Variants in GM2A observed in about 807,000 individuals in gnomAD.
The protein encoded by GM2A is ganglioside GM2 activator, also known as GM2 ganglioside activator.
A neutral mutation model predicts 12.9 loss-of-function variants in GM2A; 7 were observed. The observed-to-expected ratio is 0.54, with a 90% CI of 0.31 to 1.02. GM2A has a LOEUF of 1.02. GM2A is among the 50% of genes least tolerant of loss of function. The probability of loss-of-function intolerance (pLI) is 0.05; values close to 1 mark genes in which losing one functional copy is unlikely to be tolerated. For missense variants in GM2A, 246 were observed against 241.0 expected (o/e 1.02, Z -0.14); for synonymous variants, 101 against 96.0 (o/e 1.05, Z -0.30).
At chr5:151,265,996 TG>T (rs1753878262) in intron 2 of GM2A, among the ~76,000 whole-genome samples, 1 of 152,250 alleles carries the variant, frequency 6.6e-6, no homozygotes, top group Non-Finnish European at 1.5e-5. Context: ...GGGTTCATTT[TG>T]GTAACCAGCT....
intron 2 of GM2A, among the ~76,000 whole-genome samples, chr5:151,265,218 G>A (rs1046081279): frequency 6.6e-6 from 1 of 152,022 alleles, no homozygotes; most frequent in African/African-American, 2.4e-5. Context: ...AGTGAGAGGA[G>A]CAATTAGAAT....
Position 151,259,735 on chromosome 5 carries a change from T to C in GM2A, c.82-20T>C, listed in dbSNP as rs758710005. 2.5e-6 allele frequency: 4 copies of C among 1,611,670 alleles called. No homozygotes were observed. In the East Asian group the frequency reaches 8.9e-5, roughly 36 times the overall value. Reference sequence around the variant, plus strand: ...CAACCTTTTTCTTCTTCTCCTTCCTTGCTGCCTGATTGTCCCCAGCCATCC... The same window carrying C: ...CAACCTTTTTCTTCTTCTCCTTCCTCGCTGCCTGATTGTCCCCAGCCATCC... On this transcript the variant is annotated intron_variant, in intron 1 of 3. Coordinates refer to ENST00000357164, the MANE Select transcript of GM2A (RefSeq NM_000405.5).
intron 1 of GM2A, among the ~76,000 whole-genome samples, chr5:151,255,167 G>A (rs1753661995): frequency 6.6e-6 from 1 of 152,106 alleles, no homozygotes; most frequent in Non-Finnish European, 1.5e-5. Context: ...TGGGCGTGGT[G>A]GTGTGCGCCA....
Position 151,266,919 on chromosome 5 carries a change from TAC to T in GM2A, c.426+7_426+8del. 1 of 1,609,736 alleles carries T rather than the reference TAC, an allele frequency of 6.2e-7. No individual in the cohort carries two copies. Among genetic ancestry groups the T allele is most frequent in the Non-Finnish European group, 8.5e-7 (1 of 1,176,170 alleles). Reference sequence around the variant, plus strand: ...GCCACTGTCCCTTCAAAGAAGTAAGTACTTAGGGAGGAGAGAGCGTTACCCCT... The same window carrying T: ...GCCACTGTCCCTTCAAAGAAGTAAGTTTAGGGAGGAGAGAGCGTTACCCCT... On this transcript the variant is annotated splice_region_variant and intron_variant, in intron 3 of 3. Transcript: ENST00000357164.
chr5:151,262,987 T>C (rs903904681), intron 2 of GM2A, among the ~76,000 whole-genome samples: 2 of 152,152 alleles, frequency 1.3e-5, no homozygotes, highest in African/African-American at 4.8e-5. Flanking sequence ...TTTATTACCT[T>C]TCATAAATTT....
In GM2A at chr5:151,269,860, C is replaced by T; in HGVS notation, c.*2409C>T. ...TCTGCAGCATTCTTCTAATACCTTT[C>T]CTTTTTCAAACCTATACTGTTGTTG... On this transcript the variant is annotated 3_prime_UTR_variant, in exon 4 of 4. Coordinates refer to ENST00000357164, the MANE Select transcript of GM2A (RefSeq NM_000405.5). 2.0e-6 allele frequency: 1 copy of T among 507,190 alleles called. No individual in the cohort carries two copies. Among genetic ancestry groups the T allele is most frequent in the Non-Finnish European group, 2.7e-6 (1 of 373,536 alleles). The allele number at this position is 507,190 out of a possible 1,614,324, so 31.4% of individuals were successfully genotyped here.
chr5:151,254,862 A>G (rs576346160), intron 1 of GM2A, among the ~76,000 whole-genome samples: 1 of 152,368 alleles, frequency 6.6e-6, no homozygotes, highest in South Asian at 2.1e-4. Context: ...CTGAATATTT[A>G]TCACTTAGGC....
intron 1 of GM2A, among the ~76,000 whole-genome samples, chr5:151,257,308 T>C (rs1004595): frequency 0.13 from 19,145 of 151,966 alleles, 1,354 homozygotes; most frequent in African/African-American, 0.19. Flanking sequence ...TAGCCGGGCA[T>C]TACCCTCAGG....
chr5:151,264,982 A>T (rs1039482486), intron 2 of GM2A, among the ~76,000 whole-genome samples: 1 of 142,152 alleles, frequency 7.0e-6, no homozygotes, highest in Non-Finnish European at 1.6e-5. Context: ...ACTCTGTCTC[A>T]AAAAAAAAAA....
intron 1 of GM2A, among the ~76,000 whole-genome samples, chr5:151,253,526 C>A (rs1459707407): frequency 6.6e-6 from 1 of 152,240 alleles, no homozygotes; most frequent in African/African-American, 2.4e-5. Flanking sequence ...CACGTCTGCA[C>A]TCTCCTGCCC....
chr5:151,257,924 A>C (rs1266907780), intron 1 of GM2A, among the ~76,000 whole-genome samples: 1 of 152,140 alleles, frequency 6.6e-6, no homozygotes, highest in Non-Finnish European at 1.5e-5. Context: ...CCTTTGTGGC[A>C]CTCACAAATC....
Position 151,269,107 on chromosome 5 carries a change from G to C in GM2A, c.*1656G>C. 1 of 985,448 alleles carries C rather than the reference G, an allele frequency of 1.0e-6. No homozygotes were observed. The highest frequency in any genetic ancestry group is 4.7e-5 in the South Asian group (1 of 21,294). 61.0% of individuals were successfully genotyped at this position (985,448 alleles called of 1,614,324 possible). ...TGGAGCAGGGGTCCAAGGAAGAGAG[G>C]GTGGCCTCGACATCAAACTGCCTGG... is the stretch of plus-strand genomic sequence containing the variant. On this transcript the variant is annotated 3_prime_UTR_variant, in exon 4 of 4. Coordinates refer to ENST00000357164, the MANE Select transcript of GM2A (RefSeq NM_000405.5).
At position 151,266,891 on chromosome 5, in the gene GM2A, C is replaced by G; in HGVS notation, c.404C>G (p.Pro135Arg). ...CPEPLRTYGL[P>R]CHCPFKEGTY... is the part of the protein sequence containing the mutation. ...GAGCCCCTGCGTACCTATGGGCTTC[C>G]TTGCCACTGTCCCTTCAAAGAAGTA... Residue 135 changes from proline to arginine, a missense_variant, in exon 3 of 4, where the codon CCT becomes CGT. Coordinates refer to ENST00000357164, the MANE Select transcript of GM2A (RefSeq NM_000405.5). 6.2e-7 allele frequency: 1 copy of G among 1,613,548 alleles called. No individual in the cohort carries two copies. The highest frequency in any genetic ancestry group is 8.5e-7 in the Non-Finnish European group (1 of 1,179,526).
chr5:151,253,868 AC>A (rs1288443591), intron 1 of GM2A, among the ~76,000 whole-genome samples: 1 of 152,110 alleles, frequency 6.6e-6, no homozygotes, highest in East Asian at 1.9e-4. Context: ...TCTCATTGAC[AC>A]CGCTTCTTCC....
At chr5:151,257,729 T>C (rs1339851322) in intron 1 of GM2A, among the ~76,000 whole-genome samples, 1 of 152,194 alleles carries the variant, frequency 6.6e-6, no homozygotes, top group African/African-American at 2.4e-5. Flanking sequence ...ATTTAGCCCA[T>C]GGCCTTCTCC....
Position 151,267,461 on chromosome 5 carries a change from T to G in GM2A, c.*10T>G, listed in dbSNP as rs1292645311. 1 of 1,614,068 alleles carries G rather than the reference T, an allele frequency of 6.2e-7. No homozygotes were observed. The highest frequency in any genetic ancestry group is 1.7e-5 in the Admixed American group (1 of 60,008). The stretch of plus-strand genomic sequence containing the variant: ...TCTAAAGGGCATATAACATGGCATC[T>G]GCCACAGCAGAATGGAGCGGTGTGA... On this transcript the variant is annotated 3_prime_UTR_variant, in exon 4 of 4. Coordinates refer to ENST00000357164, the MANE Select transcript of GM2A (RefSeq NM_000405.5).
intron 1 of GM2A, among the ~76,000 whole-genome samples, chr5:151,255,823 C>CGCTATGAGGTGGAGTCTGGCT (rs1753675378): frequency 2.0e-5 from 3 of 152,126 alleles, no homozygotes; most frequent in Non-Finnish European, 4.4e-5. Context: ...CAGGGCTGGC[C>CGCTATGAGGTGGAGTCTGGCT]GCTATGAGGT....
At position 151,267,954 on chromosome 5, in the gene GM2A, ATTTCC is replaced by A; in HGVS notation, c.*508_*512del. ...CCCTTAACTTCTGTGACTAATTTTT[ATTTCC>A]TTTCTAGATTTGCCCAATTAATACT... On this transcript the variant is annotated 3_prime_UTR_variant, in exon 4 of 4. Coordinates refer to ENST00000357164, the MANE Select transcript of GM2A (RefSeq NM_000405.5). 9.0e-7 allele frequency: 1 copy of A among 1,115,320 alleles called. No individual in the cohort carries two copies. Among genetic ancestry groups the A allele is most frequent in the Non-Finnish European group, 1.1e-6 (1 of 907,062 alleles). The allele number at this position is 1,115,320 out of a possible 1,614,324, so 69.1% of individuals were successfully genotyped here.
intron 1 of GM2A, among the ~76,000 whole-genome samples, chr5:151,253,726 G>A (rs1051447431): frequency 2.0e-5 from 3 of 152,066 alleles, no homozygotes; most frequent in African/African-American, 7.3e-5. Context: ...GGGAGGGTTT[G>A]AGAGCTTTTC....
Sources: gnomAD v4.1 joint callset for allele counts (sites outside exome capture counted in the v4.1 genomes callset) on GRCh38, gnomAD v4.1.1 for gene constraint, MANE v1.5 for transcripts, NCBI Gene and HGNC (gene_info 2026-07-23, HGNC 2026-07-21) for gene names.